The following OSBPL8 variants were observed in gnomAD, a reference collection of about 807,000 sequenced individuals.
OSBPL8 encodes oxysterol binding protein like 8.
In OSBPL8, 59 loss-of-function variants were observed where a neutral mutation model predicts 125.5. The ratio of observed to expected loss-of-function variants is 0.47; its 90% CI spans 0.38 to 0.58. The LOEUF is 0.58. OSBPL8 is among the 20% of genes least tolerant of loss of function. The pLI, the probability that OSBPL8 is intolerant of heterozygous loss-of-function variation, is 0.00. For missense variants in OSBPL8, 758 were observed against 1,047.8 expected, an observed-to-expected ratio of 0.72 and a Z score of 3.82; for synonymous variants, 330 against 338.9, an observed-to-expected ratio of 0.97 and a Z score of 0.29.
chr12:76,372,350 G>A (rs997467450), intron 18 of OSBPL8, among the ~76,000 whole-genome samples: 7 of 151,986 alleles, frequency 4.6e-5, no homozygotes, highest in South Asian at 2.1e-4. Context: ...GGACAGGCAT[G>A]TGCCATCATG....
chr12:76,464,863 T>C (rs764420745), intron 2 of OSBPL8, among the ~76,000 whole-genome samples: 5 of 152,202 alleles, frequency 3.3e-5, no homozygotes, highest in Non-Finnish European at 7.3e-5. Context: ...GCAATCCTAC[T>C]GCAGCTGGCT....
intron 1 of OSBPL8, among the ~76,000 whole-genome samples, chr12:76,552,468 AG>A (rs1950973996): frequency 6.6e-6 from 1 of 150,560 alleles, no homozygotes; most frequent in East Asian, 1.9e-4. Context: ...GTTGCAAGCA[AG>A]AGGGAGCACA....
At chr12:76,393,789 C>T (rs1049174365) in intron 9 of OSBPL8, among the ~76,000 whole-genome samples, 1 of 150,700 alleles carries the variant, frequency 6.6e-6, no homozygotes, top group Non-Finnish European at 1.5e-5. Flanking sequence ...TTTGGGAGGC[C>T]GAGGCAAGCG....
At chr12:76,371,667 T>C in intron 18 of OSBPL8, 83 bp from the exon 19 acceptor site, 7 of 1,177,950 alleles carry the variant, frequency 5.9e-6, no homozygotes, top group Non-Finnish European at 7.6e-6. Flanking sequence ...ACGGTGATAA[T>C]TTCTTCTGGT....
rs772002984 is a variant in OSBPL8 at position 76,371,483 on chromosome 12, T to C, written c.2019A>G (p.Val673=). ...IKQWRLIRHT[V]KFEEQGDFES... Reference sequence around the variant, plus strand: ...CAAAATCTCCCTGTTCTTCAAATTTTACAGTGTGCCTTATTAATCTCCATT... The same window carrying C: ...CAAAATCTCCCTGTTCTTCAAATTTCACAGTGTGCCTTATTAATCTCCATT... The change falls in exon 19 of 24, where the codon GTA becomes GTG. Residue 673 remains valine, a synonymous_variant. Coordinates refer to ENST00000261183, the MANE Select transcript of OSBPL8 (RefSeq NM_020841.5). 1.9e-6 allele frequency: 3 copies of C among 1,608,582 alleles called. No individual in the cohort carries two copies. The highest frequency in any genetic ancestry group is 2.5e-6 in the Non-Finnish European group (3 of 1,177,216).
intron 2 of OSBPL8, among the ~76,000 whole-genome samples, chr12:76,474,131 T>C (rs1026831827): frequency 2.0e-5 from 3 of 152,182 alleles, no homozygotes; most frequent in African/African-American, 7.2e-5. Context: ...ATGTGCTTAA[T>C]GAAGGTAGGT....
chr12:76,437,083 T>C lies in OSBPL8; in HGVS notation c.217+13768A>G, dbSNP rs547094535. ...TTATTCATTCCACTCATGACAAACA[T>C]TTAGGTTTAGGTTTTTTCAGGTGTT... On this transcript the variant is annotated intron_variant, in intron 4 of 23. Coordinates refer to ENST00000261183, the MANE Select transcript of OSBPL8 (RefSeq NM_020841.5). Among the ~76,000 whole-genome samples, 7 of 152,286 alleles carry C rather than the reference T, an allele frequency of 4.6e-5. No individual in the cohort carries two copies. In the South Asian group the frequency reaches 1.4e-3, roughly 32 times the overall value.
At chr12:76,462,824 G>A (rs909099163) in intron 2 of OSBPL8, among the ~76,000 whole-genome samples, 1 of 152,106 alleles carries the variant, frequency 6.6e-6, no homozygotes, top group African/African-American at 2.4e-5. Context: ...GAAAGACAGA[G>A]GGAAGAGCAA....
At position 76,393,453 on chromosome 12, in the gene OSBPL8, G is replaced by A. The variant is rs569967413; in HGVS notation, c.758-701C>T. 4.6e-5 allele frequency among the ~76,000 whole-genome samples: 7 copies of A among 152,064 alleles called. 1 individual carries two copies. The highest frequency in any genetic ancestry group is 4.1e-4 in the South Asian group (2 of 4,824). On this transcript the variant is annotated intron_variant, in intron 9 of 23. Coordinates refer to ENST00000261183, the MANE Select transcript of OSBPL8 (RefSeq NM_020841.5). ...CGGCCAGGCGCGGTGGCTCACGCCC[G>A]TAATCCCAGCACTTTGGGAGGCCGA... is the stretch of plus-strand genomic sequence containing the variant.
chr12:76,487,410 A>T lies in OSBPL8; in HGVS notation c.42+100T>A, dbSNP rs1878268565. 4 of 886,196 alleles carry T rather than the reference A, an allele frequency of 4.5e-6. No homozygotes were observed. In the South Asian group the frequency reaches 7.5e-5, roughly 17 times the overall value. The allele number at this position is 886,196 out of a possible 1,614,324, so 54.9% of individuals were successfully genotyped here. ...AGCATTATTTTAAAAATACTTTTTA[A>T]AAGTTTGTTGTTAATATATTTTAAA... On this transcript the variant is annotated intron_variant, in intron 2 of 23. Coordinates refer to ENST00000261183, the MANE Select transcript of OSBPL8 (RefSeq NM_020841.5).
At chr12:76,475,707 G>A (rs888522369) in intron 2 of OSBPL8, among the ~76,000 whole-genome samples, 8 of 152,072 alleles carry the variant, frequency 5.3e-5, no homozygotes, top group South Asian at 2.1e-4. Context: ...CCCTGAACCC[G>A]TCCCTGGAGA....
chr12:76,487,741 T>TA (rs941297116), intron 1 of OSBPL8, 123 bp from the exon 2 acceptor site: 910 of 384,714 alleles, frequency 2.4e-3, no homozygotes, highest in Non-Finnish European at 2.8e-3. Flanking sequence ...ATTCAATAAT[T>TA]AAAAAAAAAA....
chr12:76,529,560 A>C (rs1163481008), intron 1 of OSBPL8, among the ~76,000 whole-genome samples: 7 of 151,814 alleles, frequency 4.6e-5, no homozygotes, highest in Admixed American at 4.6e-4. Flanking sequence ...TATTTAAGCC[A>C]CTGTTCATTT....
At chr12:76,504,426 C>A (rs1880215875) in intron 1 of OSBPL8, among the ~76,000 whole-genome samples, 1 of 152,126 alleles carries the variant, frequency 6.6e-6, no homozygotes, top group Non-Finnish European at 1.5e-5. Flanking sequence ...AATGTCTTTG[C>A]CTTGGGGATT....
intron 7 of OSBPL8, 94 bp from the exon 8 acceptor site, chr12:76,397,991 C>A: frequency 9.7e-7 from 1 of 1,027,206 alleles, no homozygotes; most frequent in African/African-American, 1.6e-5. Context: ...CTAAAATTTC[C>A]ATAACACGTA....
intron 21 of OSBPL8, among the ~76,000 whole-genome samples, chr12:76,359,770 T>C (rs1399913564): frequency 3.9e-5 from 6 of 152,140 alleles, no homozygotes; most frequent in Admixed American, 3.9e-4. Flanking sequence ...TCAGATCTCG[T>C]GAGACTTATT....
intron 2 of OSBPL8, among the ~76,000 whole-genome samples, chr12:76,469,736 C>T (rs1242450217): frequency 6.6e-6 from 1 of 152,162 alleles, no homozygotes; most frequent in Non-Finnish European, 1.5e-5. Context: ...CAGCAATCAT[C>T]TCGTAACACA....
intron 1 of OSBPL8, among the ~76,000 whole-genome samples, chr12:76,544,859 T>C (rs1003708283): frequency 6.6e-6 from 1 of 151,750 alleles, no homozygotes; most frequent in African/African-American, 2.4e-5. Context: ...AAAACAGGAA[T>C]AATTCCATCT....
chr12:76,472,295 CCAAT>C (rs892805501), intron 2 of OSBPL8, among the ~76,000 whole-genome samples: 1 of 152,174 alleles, frequency 6.6e-6, no homozygotes, highest in Non-Finnish European at 1.5e-5. Flanking sequence ...AACCACACAT[CCAAT>C]CAATCACCAG....
Sources: allele counts gnomAD v4.1 joint callset (sites outside exome capture counted in the v4.1 genomes callset), GRCh38; gene constraint gnomAD v4.1.1; transcripts MANE v1.5; gene names NCBI Gene and HGNC (gene_info 2026-07-23, HGNC 2026-07-21).